Variants in PKP2 observed in about 807,000 individuals in gnomAD.
The protein encoded by PKP2 is plakophilin 2.
In PKP2, 73 loss-of-function variants were observed where a neutral mutation model predicts 83.4. The observed-to-expected ratio is 0.88, with a 90% CI of 0.72 to 1.06. The LOEUF (loss-of-function observed/expected upper bound fraction) is 1.06, where lower values mean the gene tolerates loss of function less well. Among genes scored for constraint, PKP2 ranks in the 50% least tolerant of loss-of-function variants. The pLI is 0.00. For missense variants in PKP2, 966 were observed against 1,065.4 expected (o/e 0.91, Z 1.30); for synonymous variants, 409 against 430.4 (o/e 0.95, Z 0.62).
At chr12:32,867,363 G>A (rs1206589839) in intron 4 of PKP2, among the ~76,000 whole-genome samples, 1 of 152,156 alleles carries the variant, frequency 6.6e-6, no homozygotes, top group Non-Finnish European at 1.5e-5. Context: ...TGGTTGTTTT[G>A]GGAGGCTGTT....
intron 4 of PKP2, among the ~76,000 whole-genome samples, chr12:32,859,492 T>G (rs1956781495): frequency 6.6e-6 from 1 of 152,194 alleles, no homozygotes; most frequent in South Asian, 2.1e-4. Context: ...AGTCTCTCTC[T>G]GTTGCCCAGG....
chr12:32,871,608 A>T (rs1325531760), intron 3 of PKP2, among the ~76,000 whole-genome samples: 2 of 151,812 alleles, frequency 1.3e-5, no homozygotes, highest in Non-Finnish European at 2.9e-5. Flanking sequence ...TGGGATTACA[A>T]GCACCCACCA....
intron 1 of PKP2, among the ~76,000 whole-genome samples, chr12:32,892,169 T>C (rs779502749): frequency 1.4e-4 from 22 of 152,060 alleles, no homozygotes; most frequent in South Asian, 4.1e-4. Flanking sequence ...CTCCCCAGAA[T>C]TGCTTCATTC....
intron 5 of PKP2, among the ~76,000 whole-genome samples, chr12:32,844,664 A>T (rs1956630767): frequency 6.6e-6 from 1 of 152,224 alleles, no homozygotes; most frequent in Non-Finnish European, 1.5e-5. Flanking sequence ...ACCCAGCTCT[A>T]TCACTAGAGG....
At position 32,792,337 on chromosome 12, in the gene PKP2, G is replaced by A. The variant is rs1184631570; in HGVS notation, c.*87C>T. On this transcript the variant is annotated 3_prime_UTR_variant, in exon 13 of 13. Transcript: ENST00000340811. ...ATAGAGAAGGATAGAAACAAGGCAT[G>A]CTTTTGAGGTTTCTTGGGCTGGGTA... The A allele has an allele frequency of 5.4e-6, 5 of 917,560 alleles. No homozygotes were observed. The highest frequency in any genetic ancestry group is 4.8e-5 in the East Asian group (2 of 41,566). The allele number at this position is 917,560 out of a possible 1,614,324, so 56.8% of individuals were successfully genotyped here. A position where few individuals can be genotyped will look rare whatever the true frequency, so the allele number is the denominator to read the frequency against.
At chr12:32,800,829 C>G (rs1403855119) in intron 10 of PKP2, among the ~76,000 whole-genome samples, 1 of 152,164 alleles carries the variant, frequency 6.6e-6, no homozygotes, top group Non-Finnish European at 1.5e-5. Flanking sequence ...ATCTGTTATT[C>G]TGTTACCATG....
At chr12:32,864,484 A>G (rs1956829745) in intron 4 of PKP2, among the ~76,000 whole-genome samples, 1 of 152,000 alleles carries the variant, frequency 6.6e-6, no homozygotes, top group Non-Finnish European at 1.5e-5. Flanking sequence ...AAAGACATGA[A>G]AGACCTCTAC....
At chr12:32,859,390 G>A (rs953734607) in intron 4 of PKP2, among the ~76,000 whole-genome samples, 1 of 152,120 alleles carries the variant, frequency 6.6e-6, no homozygotes, top group Non-Finnish European at 1.5e-5. Flanking sequence ...ATGCATGCAA[G>A]ATGATGATAA....
chr12:32,880,982 TACA>T (rs955317213), intron 1 of PKP2, among the ~76,000 whole-genome samples: 1 of 152,194 alleles, frequency 6.6e-6, no homozygotes, highest in African/African-American at 2.4e-5. Context: ...ATGTTGAGAA[TACA>T]ACAACACAGG....
chr12:32,792,143 T>A lies in PKP2; in HGVS notation c.*281A>T. 2.1e-6 allele frequency: 1 copy of A among 472,128 alleles called. No homozygotes were observed. The highest frequency in any genetic ancestry group is 2.2e-5 in the South Asian group (1 of 45,214). The allele number at this position is 472,128 out of a possible 1,614,324, so 29.2% of individuals were successfully genotyped here. A position where few individuals can be genotyped will look rare whatever the true frequency, so the allele number is the denominator to read the frequency against. On this transcript the variant is annotated 3_prime_UTR_variant, in exon 13 of 13. Transcript: ENST00000340811. ...TTATTGGATTAATGTCCCTTCCACA[T>A]GAATTCACATTTTGATTCCAGGAAG...
intron 5 of PKP2, among the ~76,000 whole-genome samples, chr12:32,846,917 C>A (rs1956651738): frequency 6.6e-6 from 1 of 152,002 alleles, no homozygotes. Context: ...CAACTAGGTT[C>A]AAACCTGGGC....
chr12:32,792,558 T>C, intron 12 of PKP2, 66 bp from the exon 13 acceptor site: 5 of 1,563,194 alleles, frequency 3.2e-6, no homozygotes, highest in East Asian at 2.2e-5. Flanking sequence ...TGCAGTTTTT[T>C]AGCGATTTCT....
At chr12:32,826,802 T>G (rs913103696) in intron 6 of PKP2, among the ~76,000 whole-genome samples, 1 of 152,182 alleles carries the variant, frequency 6.6e-6, no homozygotes, top group Non-Finnish European at 1.5e-5. Context: ...TCTTTTCCAG[T>G]CTCCTTATTT....
intron 3 of PKP2, among the ~76,000 whole-genome samples, chr12:32,872,763 G>A (rs1956905100): frequency 6.6e-6 from 1 of 152,144 alleles, no homozygotes; most frequent in Non-Finnish European, 1.5e-5. Flanking sequence ...TTTAAAGTAG[G>A]ATGAAAGCAA....
intron 6 of PKP2, among the ~76,000 whole-genome samples, chr12:32,840,037 A>G (rs1210162800): frequency 1.3e-5 from 2 of 152,106 alleles, no homozygotes; most frequent in Non-Finnish European, 2.9e-5. Flanking sequence ...CTTCACTTGC[A>G]CCTTTGACAT....
intron 6 of PKP2, among the ~76,000 whole-genome samples, chr12:32,828,156 G>A (rs1434928669): frequency 1.3e-5 from 2 of 152,192 alleles, no homozygotes; most frequent in Non-Finnish European, 2.9e-5. Context: ...TGTAATGGGG[G>A]AAGAAATAGA....
chr12:32,792,213 C>A lies in PKP2; in HGVS notation c.*211G>T. 3.3e-6 allele frequency: 2 copies of A among 602,098 alleles called. No individual in the cohort carries two copies. Among genetic ancestry groups the A allele is most frequent in the South Asian group, 2.0e-5 (1 of 51,246 alleles). 37.3% of individuals were successfully genotyped at this position (602,098 alleles called of 1,614,324 possible). Reference sequence around the variant, plus strand: ...ATAACAAAGACCACTATTTGTCGAGCCTGTGGCCGGTATCTACTGGTGGCA... The same window carrying A: ...ATAACAAAGACCACTATTTGTCGAGACTGTGGCCGGTATCTACTGGTGGCA... On this transcript the variant is annotated 3_prime_UTR_variant, in exon 13 of 13. Transcript: ENST00000340811.
chr12:32,850,565 CAA>C (rs796225848), intron 5 of PKP2, among the ~76,000 whole-genome samples, 199 bp downstream of exon 5: 1,483 of 114,110 alleles, frequency 0.013, 20 homozygotes, highest in African/African-American at 0.044. Flanking sequence ...GATTCTGTCT[CAA>C]AAAAAAAAAA....
At chr12:32,808,598 A>G (rs1956246940) in intron 9 of PKP2, among the ~76,000 whole-genome samples, 2 of 152,264 alleles carry the variant, frequency 1.3e-5, no homozygotes, top group South Asian at 4.1e-4. Flanking sequence ...CCTGGAGAAG[A>G]GGCACTCTGT....
Sources: allele counts gnomAD v4.1 joint callset (sites outside exome capture counted in the v4.1 genomes callset), GRCh38; gene constraint gnomAD v4.1.1; transcripts MANE v1.5; gene names NCBI Gene and HGNC (gene_info 2026-07-23, HGNC 2026-07-21).